The following CDC14A variants were observed in gnomAD, a reference collection of about 807,000 sequenced individuals.
CDC14A encodes the protein dual specificity protein phosphatase CDC14A.
Under a neutral mutation model 74.4 loss-of-function variants are expected in CDC14A, and 53 were observed. The observed-to-expected ratio is 0.71, with a 90% CI of 0.57 to 0.89. The LOEUF (loss-of-function observed/expected upper bound fraction) is 0.89. Among genes scored for constraint, CDC14A ranks in the 40% least tolerant of loss-of-function variants. The pLI, the probability that CDC14A is intolerant of heterozygous loss-of-function variation, is 0.00. For missense variants in CDC14A, 646 were observed against 713.7 expected (o/e 0.91, Z 1.08); for synonymous variants, 247 against 258.4 (o/e 0.96, Z 0.43).
Position 100,377,563 on chromosome 1 carries a change from G to A in CDC14A, c.158G>A (p.Gly53Glu). Residue 53 changes from glycine (G) to glutamate (E), a missense_variant, in exon 3 of 16, where the codon GGA becomes GAA. Gly to Glu is a moderately conservative substitution (Grantham distance 98, BLOSUM62 -2). Coordinates refer to ENST00000336454, the MANE Select transcript of CDC14A (RefSeq NM_003672.4). ...LVYENFYADFGPLNLAMVYRY... is the reference protein window; with the variant it reads ...LVYENFYADFEPLNLAMVYRY... ...TATCTTAGTTTCTATGCAGATTTTG[G>A]ACCGCTGAACTTGGCAATGGTGTAC... The A allele has an allele frequency of 6.2e-7, 1 of 1,613,160 alleles. No individual in the cohort carries two copies. Among genetic ancestry groups the A allele is most frequent in the East Asian group, 2.2e-5 (1 of 44,848 alleles).
chr1:100,396,617 A>T (rs1319655182), intron 4 of CDC14A, among the ~76,000 whole-genome samples: 4 of 152,266 alleles, frequency 2.6e-5, no homozygotes, highest in Non-Finnish European at 5.9e-5. Flanking sequence ...TAACAAGTAT[A>T]CAAAATTACA....
At chr1:100,383,259 T>G (rs980979798) in intron 3 of CDC14A, among the ~76,000 whole-genome samples, 1 of 152,192 alleles carries the variant, frequency 6.6e-6, no homozygotes, top group African/African-American at 2.4e-5. Context: ...TATTGATTAT[T>G]AACACGATGA....
intron 11 of CDC14A, among the ~76,000 whole-genome samples, chr1:100,486,963 C>T (rs571881781): frequency 6.6e-6 from 1 of 152,130 alleles, no homozygotes; most frequent in Non-Finnish European, 1.5e-5. Context: ...CAAAATTGGT[C>T]TTAACAGAGT....
chr1:100,489,976 T>C (rs508020), intron 11 of CDC14A, among the ~76,000 whole-genome samples: 62,743 of 152,028 alleles, frequency 0.41, 13,592 homozygotes, highest in South Asian at 0.48. Context: ...TCATTTGTCA[T>C]TTGTGAATGT....
chr1:100,348,406 A>G (rs1381122942), upstream of CDC14A, among the ~76,000 whole-genome samples: 4 of 151,624 alleles, frequency 2.6e-5, no homozygotes, highest in Admixed American at 6.6e-5. Context: ...TTCTTTCAGA[A>G]CTGCTTACAC....
rs1312846353 is a variant in CDC14A at position 100,353,776 on chromosome 1, G to T, written c.64G>T (p.Ala22Ser). The T allele has an allele frequency of 3.1e-6, 5 of 1,588,782 alleles. No individual in the cohort carries two copies. Among genetic ancestry groups the T allele is most frequent in the Non-Finnish European group, 4.3e-6 (5 of 1,159,304 alleles). ...TTGTCTTTCAGATCGGTTATATTTTGCTACTTTAAGGAATAGACCAAAAAG... is the reference window on the plus strand; with the variant it reads ...TTGTCTTTCAGATCGGTTATATTTTTCTACTTTAAGGAATAGACCAAAAAG... Reference protein sequence around the residue: ...CEFMKDRLYFATLRNRPKSTV... With the variant: ...CEFMKDRLYFSTLRNRPKSTV... The change falls in exon 2 of 16, where the codon GCT (alanine) becomes TCT (serine). Residue 22 changes from alanine to serine, a missense_variant. Physicochemically the swap from Ala to Ser is moderately conservative, Grantham distance 99 (BLOSUM62 1). Coordinates refer to ENST00000336454, the MANE Select transcript of CDC14A (RefSeq NM_003672.4).
intron 15 of CDC14A, among the ~76,000 whole-genome samples, chr1:100,515,471 C>A (rs1340996822): frequency 1.3e-5 from 2 of 151,270 alleles, no homozygotes; most frequent in Non-Finnish European, 2.9e-5. Context: ...GCAGTTTCCG[C>A]CTCCCGGGTT....
At chr1:100,518,114 T>C in intron 15 of CDC14A, 137 bp from the exon 16 acceptor site, 1 of 562,628 alleles carries the variant, frequency 1.8e-6, no homozygotes, top group Non-Finnish European at 3.2e-6. Flanking sequence ...GTGTCTCCTG[T>C]CTTTTTGTTT....
chr1:100,511,443 C>A (rs1649779736), intron 15 of CDC14A, among the ~76,000 whole-genome samples: 1 of 152,234 alleles, frequency 6.6e-6, no homozygotes, highest in African/African-American at 2.4e-5. Context: ...AGTCCTTCTA[C>A]TCCTAAGCCT....
At chr1:100,447,407 C>T (rs6688996) in intron 7 of CDC14A, among the ~76,000 whole-genome samples, 41,727 of 152,064 alleles carry the variant, frequency 0.27, 7,693 homozygotes, top group African/African-American at 0.52. Flanking sequence ...ACATTTGCCC[C>T]GATCAGACAT....
Position 100,433,557 on chromosome 1 carries a change from A to G in CDC14A, c.390-6375A>G, listed in dbSNP as rs190288466. Among the ~76,000 whole-genome samples, 144 of 152,270 alleles carry G rather than the reference A, an allele frequency of 9.5e-4. 1 individual carries two copies. The highest frequency in any genetic ancestry group is 6.8e-3 in the Middle Eastern group (2 of 294). ...TAATTGTAGATCACAGTCATTTCCA[A>G]AATTTCTTAGTCTCTTTTCTATCAG... On this transcript the variant is annotated intron_variant, in intron 5 of 15. Coordinates refer to ENST00000336454, the MANE Select transcript of CDC14A (RefSeq NM_003672.4).
chr1:100,405,243 A>G (rs948400821), intron 4 of CDC14A, among the ~76,000 whole-genome samples: 31 of 152,186 alleles, frequency 2.0e-4, no homozygotes, highest in African/African-American at 7.0e-4. Context: ...TGGCTCATTT[A>G]TAGCTTTTCT....
intron 3 of CDC14A, among the ~76,000 whole-genome samples, chr1:100,386,225 G>T (rs1205268958): frequency 1.3e-5 from 2 of 152,062 alleles, no homozygotes. Flanking sequence ...AAAACATAAG[G>T]TGGATAGTGG....
chr1:100,395,097 G>A (rs555131083), intron 4 of CDC14A, among the ~76,000 whole-genome samples: 3 of 152,302 alleles, frequency 2.0e-5, no homozygotes, highest in East Asian at 3.9e-4. Flanking sequence ...TTCCTAAAAT[G>A]TGGAATCGGC....
chr1:100,349,932 G>A (rs1472006924), upstream of CDC14A, among the ~76,000 whole-genome samples: 1 of 151,640 alleles, frequency 6.6e-6, no homozygotes, highest in East Asian at 1.9e-4. Flanking sequence ...ACAGGCGTGT[G>A]CCACCACACC....
At chr1:100,471,907 A>G (rs542614044) in intron 10 of CDC14A, among the ~76,000 whole-genome samples, 17 of 152,288 alleles carry the variant, frequency 1.1e-4, no homozygotes, top group African/African-American at 3.6e-4. Context: ...ATAACATAAA[A>G]TAATGTATTC....
chr1:100,482,637 C>T (rs1214924648), intron 10 of CDC14A, among the ~76,000 whole-genome samples: 1 of 152,120 alleles, frequency 6.6e-6, no homozygotes, highest in Non-Finnish European at 1.5e-5. Context: ...TCTTGAGAGA[C>T]AGGGATTCAG....
At chr1:100,447,450 A>G (rs928098090) in intron 7 of CDC14A, among the ~76,000 whole-genome samples, 3 of 152,232 alleles carry the variant, frequency 2.0e-5, no homozygotes, top group African/African-American at 2.4e-5. Flanking sequence ...GAAGGTCCAC[A>G]AAAGTAACTG....
At chr1:100,467,701 A>T (rs566927421) in intron 9 of CDC14A, among the ~76,000 whole-genome samples, 1 of 152,204 alleles carries the variant, frequency 6.6e-6, no homozygotes, top group East Asian at 1.9e-4. Context: ...CACTCCAGCC[A>T]GTAATGCTGC....
Sources: gnomAD v4.1 joint callset for allele counts (sites outside exome capture counted in the v4.1 genomes callset) on GRCh38, gnomAD v4.1.1 for gene constraint, MANE v1.5 for transcripts, NCBI Gene and HGNC (gene_info 2026-07-23, HGNC 2026-07-21) for gene names.